Variants in DGCR6L observed in about 807,000 individuals in gnomAD.
DGCR6L encodes the protein DiGeorge syndrome critical region gene 6 like.
In DGCR6L, 24 loss-of-function variants were observed where a neutral mutation model predicts 31.1. That is an observed-to-expected ratio of 0.77 (90% CI 0.56 to 1.08). DGCR6L has a LOEUF of 1.08. Ranked by LOEUF, DGCR6L falls within the 50% of genes least tolerant of loss-of-function variation. DGCR6L has a pLI of 0.00. For missense variants in DGCR6L, 218 were observed against 287.1 expected, an observed-to-expected ratio of 0.76 and a Z score of 1.74; for synonymous variants, 104 against 126.1, an observed-to-expected ratio of 0.82 and a Z score of 1.17.
intron 2 of DGCR6L, among the ~76,000 whole-genome samples, chr22:20,319,185 C>A (rs1441479686): frequency 1.3e-5 from 2 of 152,178 alleles, no homozygotes; most frequent in Non-Finnish European, 2.9e-5. Flanking sequence ...CCACAGGAGA[C>A]AGTGCTTAGG....
chr22:20,317,952 T>G (rs1476394838), intron 2 of DGCR6L, among the ~76,000 whole-genome samples: 1 of 152,262 alleles, frequency 6.6e-6, no homozygotes, highest in East Asian at 1.9e-4. Context: ...AGAGAACACT[T>G]CGAAACTCAT....
chr22:20,318,881 T>C (rs1282374456), intron 2 of DGCR6L: 1 of 152,230 alleles, frequency 6.6e-6, no homozygotes, highest in Non-Finnish European at 1.5e-5. Flanking sequence ...TCTCCAGGAA[T>C]GCTGAAGACT....
intron 2 of DGCR6L, 29 bp downstream of exon 2, chr22:20,319,610 C>T (rs775297178): frequency 2.1e-5 from 33 of 1,607,076 alleles, no homozygotes; most frequent in African/African-American, 8.0e-5. Context: ...CCGGAGGAGG[C>T]GGCACCTCAT....
intron 2 of DGCR6L, chr22:20,318,788 C>T (rs937433872): frequency 2.0e-5 from 3 of 152,196 alleles, no homozygotes; most frequent in African/African-American, 7.2e-5. Context: ...GTACCCCTGC[C>T]ATCCTGCAAT....
chr22:20,316,637 C>T (rs575794041), intron 2 of DGCR6L, among the ~76,000 whole-genome samples: 25 of 152,324 alleles, frequency 1.6e-4, no homozygotes, highest in Non-Finnish European at 1.5e-5. Context: ...GGAGCGGGGT[C>T]GCTGACCCTG....
Position 20,316,175 on chromosome 22 carries a change from C to T in DGCR6L, c.316G>A (p.Ala106Thr). ...LRQKHQEAQQACRPHNLPVVQ... is the reference protein window; with the variant it reads ...LRQKHQEAQQTCRPHNLPVVQ... ...ACAGGCAGGTTGTGGGGCCGGCAGG[C>T]CTGCTGGGCTTCCTGGTGCTTCTGC... The change falls in exon 3 of 5, where the codon GCC (alanine) becomes ACC (threonine). Residue 106 changes from alanine to threonine, a missense_variant. Ala to Thr is a moderately conservative substitution (Grantham distance 58). Around this residue, in one of 4 missense-constraint regions of DGCR6L, gnomAD observed 78 missense variants for 90.0 expected, o/e 0.87. Coordinates refer to ENST00000248879, the MANE Select transcript of DGCR6L (RefSeq NM_033257.4). 2 of 1,609,882 alleles carry T rather than the reference C, an allele frequency of 1.2e-6. No individual in the cohort carries two copies. The highest frequency in any genetic ancestry group is 1.8e-4 in the Middle Eastern group (1 of 5,558).
At position 20,319,709 on chromosome 22, in the gene DGCR6L, T is replaced by C; in HGVS notation, c.201A>G (p.Leu67=). 6.2e-7 allele frequency: 1 copy of C among 1,612,740 alleles called. No homozygotes were observed. Among genetic ancestry groups the C allele is most frequent in the Non-Finnish European group, 8.5e-7 (1 of 1,179,770 alleles). ...DGTVFEIVQG[L]LEIQHLTEKS... ...TTTCGGTGAGGTGCTGGATCTCCAGTAGCCCCTGCACGATTTCGAACACGG... is the reference window on the plus strand; with the variant it reads ...TTTCGGTGAGGTGCTGGATCTCCAGCAGCCCCTGCACGATTTCGAACACGG... The change falls in exon 2 of 5, where the codon CTA becomes CTG. Residue 67 remains leucine (L), a synonymous_variant. Transcript: ENST00000248879.
At chr22:20,318,062 T>C (rs2051583033) in intron 2 of DGCR6L, 2 of 201,284 alleles carry the variant, frequency 9.9e-6, no homozygotes, top group South Asian at 1.4e-4. Flanking sequence ...TTCTTAAGAT[T>C]TTAGCAAATC....
rs372296112 is a variant in DGCR6L at position 20,316,262 on chromosome 22, A to G, written c.272-43T>C. ...CCGTCAGCAGGCGGTGGGACTCGGCAGCAGCCCTCACCCATGGGCACCTGC... is the reference window on the plus strand; with the variant it reads ...CCGTCAGCAGGCGGTGGGACTCGGCGGCAGCCCTCACCCATGGGCACCTGC... On this transcript the variant is annotated intron_variant, in intron 2 of 4. Transcript: ENST00000248879. 3.2e-6 allele frequency: 5 copies of G among 1,557,692 alleles called. No homozygotes were observed. The African/African-American group carries it at 5.4e-5, about 17-fold the overall frequency.
chr22:20,316,087 TG>T, intron 3 of DGCR6L, 31 bp downstream of exon 3: 1 of 1,573,804 alleles, frequency 6.4e-7, no homozygotes, highest in Non-Finnish European at 8.6e-7. Context: ...ACAGGAGAGC[TG>T]GGCCGGCCAC....
At chr22:20,318,891 T>C (rs1450693875) in intron 2 of DGCR6L, 2 of 152,250 alleles carry the variant, frequency 1.3e-5, no homozygotes, top group Non-Finnish European at 2.9e-5. Context: ...TGCTGAAGAC[T>C]CTTGGTGAAT....
intron 3 of DGCR6L, 131 bp from the exon 4 acceptor site, chr22:20,315,607 T>G (rs2051565783): frequency 1.4e-6 from 2 of 1,394,686 alleles, no homozygotes; most frequent in Non-Finnish European, 1.9e-6. Flanking sequence ...ACACCACCGG[T>G]GCATCCTCAC....
intron 3 of DGCR6L, 82 bp downstream of exon 3, chr22:20,316,037 C>T (rs2051568680): frequency 6.9e-7 from 1 of 1,458,268 alleles, no homozygotes; most frequent in Non-Finnish European, 9.2e-7. Flanking sequence ...GCCCCCACAC[C>T]CCTTCAGCTC....
At chr22:20,316,606 A>C (rs1239547646) in intron 2 of DGCR6L, among the ~76,000 whole-genome samples, 2 of 152,218 alleles carry the variant, frequency 1.3e-5, no homozygotes, top group Non-Finnish European at 2.9e-5. Flanking sequence ...CCTCAGGCAA[A>C]GGCATGGGAA....
At position 20,320,014 on chromosome 22, in the gene DGCR6L, C is replaced by G. The variant is rs545979658; in HGVS notation, c.-26G>C. The G allele has an allele frequency of 2.0e-6, 3 of 1,520,414 alleles. No individual in the cohort carries two copies. Among genetic ancestry groups the G allele is most frequent in the Admixed American group, 4.7e-5 (2 of 42,314 alleles). The allele number at this position is 1,520,414 out of a possible 1,614,324, so 94.2% of individuals were successfully genotyped here. On this transcript the variant is annotated 5_prime_UTR_variant, in exon 1 of 5. Coordinates refer to ENST00000248879, the MANE Select transcript of DGCR6L (RefSeq NM_033257.4). ...GGCGCGGACGCCCGCTAGCCGCCGG[C>G]GGCGGCGACGAGCTCCCCCAGCTTC...
chr22:20,315,280 G>A, intron 4 of DGCR6L, 56 bp downstream of exon 4: 1 of 1,570,296 alleles, frequency 6.4e-7, no homozygotes, highest in African/African-American at 1.4e-5. Context: ...TAAAACCCCA[G>A]ATGGAATGGG....
Position 20,316,117 on chromosome 22 carries a change from A to G in DGCR6L, c.372+2T>C, listed in dbSNP as rs1313266133. ...CGGCCACCCTGCCTGCGCCCCCAGTACCTCTAGTTCTCGCTGCTGAGCCGC... is the reference window on the plus strand; with the variant it reads ...CGGCCACCCTGCCTGCGCCCCCAGTGCCTCTAGTTCTCGCTGCTGAGCCGC... On this transcript the variant is annotated splice_donor_variant, in intron 3 of 4. Transcript: ENST00000248879. LOFTEE classifies it high-confidence loss of function. 6.2e-7 allele frequency: 1 copy of G among 1,607,164 alleles called. No individual in the cohort carries two copies. The highest frequency in any genetic ancestry group is 8.5e-7 in the Non-Finnish European group (1 of 1,177,618).
chr22:20,314,992 C>A, intron 4 of DGCR6L, 168 bp from the exon 5 acceptor site: 1 of 1,444,624 alleles, frequency 6.9e-7, no homozygotes, highest in Non-Finnish European at 9.5e-7. Context: ...CAGGGCCACT[C>A]GGAATCTGAG....
chr22:20,316,368 A>G (rs1235203082), intron 2 of DGCR6L, 149 bp from the exon 3 acceptor site: 12 of 1,108,922 alleles, frequency 1.1e-5, no homozygotes, highest in East Asian at 1.0e-4. Context: ...CTCCCACCCC[A>G]CTGTCACCCA....
Sources: gnomAD v4.1 joint callset for allele counts (sites outside exome capture counted in the v4.1 genomes callset) on GRCh38, gnomAD v4.1.1 for gene constraint, gnomAD v4.1.1 regional missense constraint, MANE v1.5 for transcripts, NCBI Gene and HGNC (gene_info 2026-07-23, HGNC 2026-07-21) for gene names.